The following EPHA5 variants were observed in gnomAD, a reference collection of about 807,000 sequenced individuals.
EPHA5 encodes the protein ephrin type-A receptor 5.
A neutral mutation model predicts 105.0 loss-of-function variants in EPHA5; 60 were observed. The observed-to-expected ratio is 0.57, with a 90% CI of 0.46 to 0.71. The LOEUF is 0.71. Among genes scored for constraint, EPHA5 ranks in the 30% least tolerant of loss-of-function variants. The probability of loss-of-function intolerance (pLI) is 0.00; values close to 1 mark genes in which losing one functional copy is unlikely to be tolerated. For missense variants in EPHA5, 1,218 were observed against 1,274.7 expected (o/e 0.96, Z 0.68); for synonymous variants, 513 against 449.1 (o/e 1.14, Z -1.80).
chr4:65,506,229 T>A (rs976255408), intron 3 of EPHA5, among the ~76,000 whole-genome samples: 14 of 152,138 alleles, frequency 9.2e-5, no homozygotes, highest in African/African-American at 3.4e-4. Flanking sequence ...TGTGCCACAT[T>A]TTCTTAATCC....
At chr4:65,441,349 T>G (rs1353341663) in intron 5 of EPHA5, among the ~76,000 whole-genome samples, 1 of 151,990 alleles carries the variant, frequency 6.6e-6, no homozygotes, top group Non-Finnish European at 1.5e-5. Flanking sequence ...ACTGAGGGTG[T>G]GAGAAAAACA....
chr4:65,377,434 T>C (rs1259842019), intron 8 of EPHA5, among the ~76,000 whole-genome samples: 1 of 151,956 alleles, frequency 6.6e-6, no homozygotes, highest in African/African-American at 2.4e-5. Flanking sequence ...GAAGAAATCC[T>C]AAATAGCCCT....
chr4:65,464,788 C>T (rs1728453929), intron 5 of EPHA5, among the ~76,000 whole-genome samples: 1 of 151,920 alleles, frequency 6.6e-6, no homozygotes, highest in Admixed American at 6.6e-5. Flanking sequence ...ATTAAAAATA[C>T]GAATTTGGCT....
chr4:65,360,960 A>G (rs1326958061), intron 11 of EPHA5, among the ~76,000 whole-genome samples: 2 of 151,682 alleles, frequency 1.3e-5, no homozygotes, highest in African/African-American at 4.8e-5. Context: ...GAAGTAACAT[A>G]TAGCATGACA....
At chr4:65,375,271 T>C (rs1718880096) in intron 8 of EPHA5, among the ~76,000 whole-genome samples, 1 of 151,866 alleles carries the variant, frequency 6.6e-6, no homozygotes, top group South Asian at 2.1e-4. Flanking sequence ...TAAATGCATT[T>C]GTGGCTAAAT....
At chr4:65,645,180 G>A (rs904218402) in intron 1 of EPHA5, among the ~76,000 whole-genome samples, 1 of 152,062 alleles carries the variant, frequency 6.6e-6, no homozygotes, top group Admixed American at 6.6e-5. Flanking sequence ...ATTTCCATGG[G>A]AATAAGGCTA....
At position 65,341,546 on chromosome 4, in the gene EPHA5, CATAA is replaced by C. The variant is rs943989755; in HGVS notation, c.2596-5425_2596-5422del. 4.9e-4 allele frequency among the ~76,000 whole-genome samples: 74 copies of C among 149,816 alleles called. No individual in the cohort carries two copies. The East Asian group carries it at 6.2e-3, about 13-fold the overall frequency. Reference sequence around the variant, plus strand: ...CCTATAGAATCATATTTATTTGCACCATAAATAAATAGATATTTACATATTATAT... The same window carrying C: ...CCTATAGAATCATATTTATTTGCACCATAAATAGATATTTACATATTATAT... On this transcript the variant is annotated intron_variant, in intron 14 of 16. Transcript: ENST00000613740.
chr4:65,433,797 G>T (rs540549277), intron 5 of EPHA5, among the ~76,000 whole-genome samples: 1 of 152,298 alleles, frequency 6.6e-6, no homozygotes, highest in East Asian at 1.9e-4. Flanking sequence ...TGGGCGCAGT[G>T]GCTCATGCCT....
At position 65,670,368 on chromosome 4, in the gene EPHA5, C is replaced by A. The variant is rs566207364; in HGVS notation, c.-626G>T. 7 of 233,762 alleles carry A rather than the reference C, an allele frequency of 3.0e-5. No homozygotes were observed. In the South Asian group the frequency reaches 1.1e-3, roughly 36 times the overall value. 14.5% of individuals were successfully genotyped at this position (233,762 alleles called of 1,614,324 possible). A position where few individuals can be genotyped will look rare whatever the true frequency, so the allele number is the denominator to read the frequency against. The stretch of plus-strand genomic sequence containing the variant: ...ACTGACGGCTGCCGGCCGGTAGGAG[C>A]GCGGAGCTGCGCTGCGGCGGCCCAG... On this transcript the variant is annotated 5_prime_UTR_variant, in exon 1 of 17. Coordinates refer to ENST00000613740, the MANE Select transcript of EPHA5 (RefSeq NM_001281766.3).
At chr4:65,564,533 TTA>T (rs1739335953) in intron 3 of EPHA5, among the ~76,000 whole-genome samples, 2 of 151,824 alleles carry the variant, frequency 1.3e-5, no homozygotes, top group African/African-American at 4.8e-5. Flanking sequence ...TTGTATCATT[TTA>T]TAAGCATATG....
chr4:65,451,666 A>AT (rs1407074758), intron 5 of EPHA5, among the ~76,000 whole-genome samples: 7 of 152,126 alleles, frequency 4.6e-5, no homozygotes, highest in African/African-American at 7.2e-5. Flanking sequence ...TTAAAACTAG[A>AT]TTTTTTTGTA....
chr4:65,488,244 A>T (rs996314972), intron 5 of EPHA5, among the ~76,000 whole-genome samples: 3 of 152,216 alleles, frequency 2.0e-5, no homozygotes, highest in African/African-American at 7.2e-5. Context: ...TGTTGAATAC[A>T]TCATTAAAAA....
intron 2 of EPHA5, among the ~76,000 whole-genome samples, chr4:65,619,486 A>T (rs887932841): frequency 6.6e-6 from 1 of 152,204 alleles, no homozygotes; most frequent in African/African-American, 2.4e-5. Context: ...TAGAATCAGT[A>T]ACCATAAGGA....
chr4:65,434,339 A>T (rs1725275405), intron 5 of EPHA5, among the ~76,000 whole-genome samples: 1 of 152,094 alleles, frequency 6.6e-6, no homozygotes, highest in Non-Finnish European at 1.5e-5. Context: ...TATTCAGCCT[A>T]CCACATCTAC....
intron 12 of EPHA5, 73 bp downstream of exon 12, chr4:65,352,969 G>A (rs1478893927): frequency 1.5e-5 from 15 of 1,013,720 alleles, no homozygotes; most frequent in Admixed American, 1.0e-4. Flanking sequence ...CAACATCACA[G>A]CATCATCATC....
chr4:65,428,441 G>A (rs1316349235), intron 5 of EPHA5, among the ~76,000 whole-genome samples: 1 of 152,040 alleles, frequency 6.6e-6, no homozygotes, highest in African/African-American at 2.4e-5. Context: ...ACTAAAGAAA[G>A]AAGGTATTTT....
At chr4:65,642,948 G>A (rs1047801923) in intron 2 of EPHA5, among the ~76,000 whole-genome samples, 14 of 151,992 alleles carry the variant, frequency 9.2e-5, no homozygotes, top group African/African-American at 1.9e-4. Context: ...TGGTCCCAGC[G>A]TTGAATCAAC....
At chr4:65,539,798 G>A (rs997888772) in intron 3 of EPHA5, among the ~76,000 whole-genome samples, 1 of 151,478 alleles carries the variant, frequency 6.6e-6, no homozygotes. Context: ...TAATATTAGT[G>A]TTGATATCAC....
intron 8 of EPHA5, among the ~76,000 whole-genome samples, chr4:65,371,838 G>C (rs1718506240): frequency 6.6e-6 from 1 of 151,916 alleles, no homozygotes; most frequent in Non-Finnish European, 1.5e-5. Flanking sequence ...ACGTACAGTG[G>C]ATCACAATAG....
Sources: gnomAD v4.1 joint callset for allele counts (sites outside exome capture counted in the v4.1 genomes callset) on GRCh38, gnomAD v4.1.1 for gene constraint, MANE v1.5 for transcripts, NCBI Gene and HGNC (gene_info 2026-07-23, HGNC 2026-07-21) for gene names.